The following TNS3 variants were observed in gnomAD, a reference collection of about 807,000 sequenced individuals.
TNS3 encodes tensin 3.
TNS3 carries 45 observed loss-of-function variants against 140.9 expected under a neutral mutation model. That is an observed-to-expected ratio of 0.32 (90% CI 0.25 to 0.41). The LOEUF (loss-of-function observed/expected upper bound fraction) is 0.41, where lower values mean the gene tolerates loss of function less well. TNS3 is among the 10% of genes least tolerant of loss of function. The pLI, the probability that TNS3 is intolerant of heterozygous loss-of-function variation, is 1.00. For synonymous variants in TNS3, 815 were observed against 788.4 expected, an observed-to-expected ratio of 1.03 and a Z score of -0.56; for missense variants, 1,716 against 1,906.7, an observed-to-expected ratio of 0.90 and a Z score of 1.86.
chr7:47,370,019 G>A (rs1044401002), intron 16 of TNS3, among the ~76,000 whole-genome samples: 5 of 152,172 alleles, frequency 3.3e-5, no homozygotes, highest in Non-Finnish European at 5.9e-5. Context: ...AAGAGCTTCC[G>A]TTCATAGACC....
intron 7 of TNS3, 112 bp from the exon 8 acceptor site, chr7:47,435,516 G>T: frequency 6.7e-7 from 1 of 1,481,610 alleles, no homozygotes; most frequent in Non-Finnish European, 9.2e-7. Flanking sequence ...TAAAGAACAT[G>T]CTGGGTGACC....
At chr7:47,416,836 A>G (rs1250529127) in intron 10 of TNS3, among the ~76,000 whole-genome samples, 1 of 152,240 alleles carries the variant, frequency 6.6e-6, no homozygotes, top group Non-Finnish European at 1.5e-5. Flanking sequence ...GGTTTTGAGT[A>G]AAAGTGAGGA....
At chr7:47,358,144 A>G (rs1340390065) in intron 17 of TNS3, among the ~76,000 whole-genome samples, 1 of 146,398 alleles carries the variant, frequency 6.8e-6, no homozygotes, top group Non-Finnish European at 1.5e-5. Flanking sequence ...CTAACACTTC[A>G]TCTTTTTTTT....
rs2151563232 is a variant in TNS3, at chr7:47,439,559, A to G, written c.78T>C (p.Ser26=). Residue 26 remains serine (S), a synonymous_variant, in exon 6 of 31, where the codon TCT becomes TCC. Coordinates refer to ENST00000311160, the MANE Select transcript of TNS3 (RefSeq NM_022748.12). ...IIAVSFPAGC[S]EESYLHNLQE... ...GTAGGTTGTGCAGGTAGGACTCCTC[A>G]GAGCAGCCGGCAGGGAAGGACACAG... The G allele has an allele frequency of 6.2e-7, 1 of 1,614,090 alleles. No homozygotes were observed. The highest frequency in any genetic ancestry group is 8.5e-7 in the Non-Finnish European group (1 of 1,180,004).
intron 10 of TNS3, among the ~76,000 whole-genome samples, chr7:47,420,902 T>C (rs1584619521): frequency 6.6e-6 from 1 of 152,276 alleles, no homozygotes; most frequent in Non-Finnish European, 1.5e-5. Flanking sequence ...TAACACTATA[T>C]AGGATAATTT....
At chr7:47,358,590 G>T (rs1367535308) in intron 17 of TNS3, among the ~76,000 whole-genome samples, 1 of 152,222 alleles carries the variant, frequency 6.6e-6, no homozygotes, top group Non-Finnish European at 1.5e-5. Flanking sequence ...GACGCAGCCG[G>T]TGACTTCTGG....
chr7:47,492,733 G>C (rs1262181020), intron 3 of TNS3, among the ~76,000 whole-genome samples: 1 of 152,246 alleles, frequency 6.6e-6, no homozygotes, highest in Non-Finnish European at 1.5e-5. Context: ...CTAAAACAAA[G>C]CACAGTTTTC....
intron 4 of TNS3, chr7:47,470,664 A>G (rs1796912367): frequency 1.0e-6 from 1 of 985,326 alleles, no homozygotes; most frequent in Non-Finnish European, 1.2e-6. Flanking sequence ...GGTAATGGTC[A>G]GGGCTGATGG....
intron 16 of TNS3, among the ~76,000 whole-genome samples, chr7:47,383,123 G>A (rs991976196): frequency 4.6e-5 from 7 of 152,204 alleles, no homozygotes; most frequent in African/African-American, 1.4e-4. Context: ...AATGTTCACA[G>A]GCAACGTTAT....
intron 20 of TNS3, among the ~76,000 whole-genome samples, chr7:47,314,028 C>T (rs1353367890): frequency 2.6e-5 from 4 of 152,332 alleles, no homozygotes; most frequent in Non-Finnish European, 5.9e-5. Flanking sequence ...GAGACTTGGG[C>T]TTCCTGGGCC....
chr7:47,452,220 T>C (rs1300756849), intron 4 of TNS3, among the ~76,000 whole-genome samples: 1 of 152,222 alleles, frequency 6.6e-6, no homozygotes, highest in Non-Finnish European at 1.5e-5. Context: ...CAAAACCAGC[T>C]GTGACCACAA....
intron 1 of TNS3, among the ~76,000 whole-genome samples, chr7:47,566,061 G>T (rs1262982121): frequency 6.6e-6 from 1 of 152,268 alleles, no homozygotes; most frequent in African/African-American, 2.4e-5. Context: ...CAGATGAGTG[G>T]TTCTAAACCC....
chr7:47,317,605 T>A (rs1012135551), intron 20 of TNS3, among the ~76,000 whole-genome samples: 9 of 152,366 alleles, frequency 5.9e-5, no homozygotes, highest in Admixed American at 5.2e-4. Context: ...GGGACTCACA[T>A]AGTCCCTTAG....
chr7:47,346,196 G>A lies in TNS3; in HGVS notation c.2442C>T (p.Asp814=), dbSNP rs368640617. 1.4e-5 allele frequency: 23 copies of A among 1,614,024 alleles called. No homozygotes were observed. The East Asian group carries it at 1.8e-4, about 13-fold the overall frequency. The change falls in exon 18 of 31, where the codon GAC becomes GAT. Residue 814 remains aspartate, a synonymous_variant. Transcript: ENST00000311160. ...TGGCTGTGGCACATACCTCTTTGAC[G>A]TCCGCTGGTGAGGGGAATGGCGGCA... ...PNLPPFPSPA[D]VKETMTPGYP... is the part of the protein sequence containing the mutation.
At chr7:47,539,433 C>G (rs334504) in intron 1 of TNS3, 104,358 of 315,550 alleles carry the variant, frequency 0.33, 18,232 homozygotes, top group East Asian at 0.45. Flanking sequence ...GTGCTCAATC[C>G]TAAGGCGAAT....
At position 47,275,679 on chromosome 7, in the gene TNS3, G is replaced by T. The variant is rs752902098; in HGVS notation, c.*2397C>A. 4.6e-4 allele frequency: 189 copies of T among 414,428 alleles called. 1 individual carries two copies. Among genetic ancestry groups the T allele is most frequent in the East Asian group, 1.4e-4 (2 of 13,932 alleles). 25.7% of individuals were successfully genotyped at this position (414,428 alleles called of 1,614,324 possible). ...AGGAAGAAAGAAACTTCCTATACCA[G>T]CTCTTCAGAAATCGTGGAAACTTGC... On this transcript the variant is annotated 3_prime_UTR_variant, in exon 31 of 31. Transcript: ENST00000311160.
At chr7:47,579,357 C>T (rs1784477083) in intron 1 of TNS3, 1 of 152,030 alleles carries the variant, frequency 6.6e-6, no homozygotes, top group Non-Finnish European at 1.5e-5. Context: ...CGCCCAGACC[C>T]ACCCTTCCCA....
chr7:47,358,285 G>A (rs1344785679), intron 17 of TNS3, among the ~76,000 whole-genome samples: 1 of 152,012 alleles, frequency 6.6e-6, no homozygotes, highest in South Asian at 2.1e-4. Flanking sequence ...CTACAGGCAC[G>A]TGCCACCATG....
At chr7:47,400,225 G>A (rs1054401878) in intron 15 of TNS3, among the ~76,000 whole-genome samples, 168 bp downstream of exon 15, 3 of 152,176 alleles carry the variant, frequency 2.0e-5, no homozygotes, top group Non-Finnish European at 4.4e-5. Flanking sequence ...TGACACAAGT[G>A]GGCCTTCTTG....
Sources: allele counts gnomAD v4.1 joint callset (sites outside exome capture counted in the v4.1 genomes callset), GRCh38; gene constraint gnomAD v4.1.1; transcripts MANE v1.5; gene names NCBI Gene and HGNC (gene_info 2026-07-23, HGNC 2026-07-21).